The following PTPN13 variants were observed in gnomAD, a reference collection of about 807,000 sequenced individuals.
PTPN13 encodes the protein protein tyrosine phosphatase non-receptor type 13, also known as tyrosine-protein phosphatase non-receptor type 13.
In PTPN13, 191 loss-of-function variants were observed where a neutral mutation model predicts 284.0. The observed-to-expected ratio is 0.67, with a 90% CI of 0.60 to 0.76. The LOEUF is 0.76. PTPN13 is among the 30% of genes least tolerant of loss of function. The pLI is 0.00. For synonymous variants in PTPN13, 986 were observed against 1,022.3 expected, an observed-to-expected ratio of 0.96 and a Z score of 0.68; for missense variants, 2,797 against 2,939.9, an observed-to-expected ratio of 0.95 and a Z score of 1.12.
Position 86,807,915 on chromosome 4 carries a change from T to C in PTPN13, c.7083+18T>C, listed in dbSNP as rs1419781475. The C allele has an allele frequency of 1.3e-6, 2 of 1,587,370 alleles. No individual in the cohort carries two copies. Among genetic ancestry groups the C allele is most frequent in the Non-Finnish European group, 1.7e-6 (2 of 1,163,384 alleles). On this transcript the variant is annotated intron_variant, in intron 45 of 47. Coordinates refer to ENST00000411767, the MANE Select transcript of PTPN13 (RefSeq NM_080683.3). Reference sequence around the variant, plus strand: ...ATATTCAGGTAAGTGAATGAAATCTTTCCCTGTTGGAAGGTGTATCTCCTA... The same window carrying C: ...ATATTCAGGTAAGTGAATGAAATCTCTCCCTGTTGGAAGGTGTATCTCCTA...
intron 7 of PTPN13, among the ~76,000 whole-genome samples, chr4:86,705,334 A>AAAAAAAAAAAAAAAAAAAAAAAG (rs1731636137): frequency 1.2e-5 from 1 of 83,586 alleles, no homozygotes; most frequent in Non-Finnish European, 2.3e-5. Flanking sequence ...ACTCCGTCTC[A>AAAAAAAAAAAAAAAAAAAAAAAG]AAAAAAAAAA....
chr4:86,635,176 C>A, intron 1 of PTPN13, 76 bp from the exon 2 acceptor site: 1 of 1,471,132 alleles, frequency 6.8e-7, no homozygotes, highest in Non-Finnish European at 9.2e-7. Context: ...TCTGTCATCA[C>A]TGATGTAGAG....
At chr4:86,788,913 G>T (rs917160716) in intron 40 of PTPN13, among the ~76,000 whole-genome samples, 3 of 152,188 alleles carry the variant, frequency 2.0e-5, no homozygotes, top group Non-Finnish European at 2.9e-5. Flanking sequence ...TACAAAGAAG[G>T]GGGGAAATGG....
chr4:86,809,894 A>G lies in PTPN13; in HGVS notation c.7209A>G (p.Pro2403=), dbSNP rs781222157. The change falls in exon 46 of 48, where the codon CCA becomes CCG. Residue 2403 remains proline, a synonymous_variant. Coordinates refer to ENST00000411767, the MANE Select transcript of PTPN13 (RefSeq NM_080683.3). ...TGAGACACATCCACAGATCAGGCCC[A>G]ATCATTACGCACTGCAGTGCTGGCA... is the stretch of plus-strand genomic sequence containing the variant. ...SYMRHIHRSG[P]IITHCSAGIG... 8.7e-6 allele frequency: 14 copies of G among 1,613,890 alleles called. No homozygotes were observed. Among genetic ancestry groups the G allele is most frequent in the Non-Finnish European group, 1.2e-5 (14 of 1,179,890 alleles).
Position 86,780,583 on chromosome 4 carries a change from A to G in PTPN13, c.5962+111A>G, listed in dbSNP as rs574691082. 192 of 743,076 alleles carry G rather than the reference A, an allele frequency of 2.6e-4. No homozygotes were observed. In the East Asian group the frequency reaches 5.1e-3, roughly 20 times the overall value. The allele number at this position is 743,076 out of a possible 1,614,324, so 46.0% of individuals were successfully genotyped here. On this transcript the variant is annotated intron_variant, in intron 36 of 47. Coordinates refer to ENST00000411767, the MANE Select transcript of PTPN13 (RefSeq NM_080683.3). ...TTCTTAAAAATTATAACTTACACCT[A>G]AAATATAATCCAGCTTTTTCACTGC...
intron 17 of PTPN13, among the ~76,000 whole-genome samples, chr4:86,749,934 T>G (rs530462399): frequency 9.2e-5 from 14 of 152,346 alleles, no homozygotes; most frequent in Non-Finnish European, 1.6e-4. Context: ...ATACCATACA[T>G]TCATCCATTT....
chr4:86,667,051 TA>T (rs1264339530), intron 2 of PTPN13, among the ~76,000 whole-genome samples: 1 of 152,224 alleles, frequency 6.6e-6, no homozygotes, highest in Non-Finnish European at 1.5e-5. Context: ...TGCTTTTCAT[TA>T]AAGGAATACC....
chr4:86,742,659 C>T (rs1019032936), intron 16 of PTPN13, among the ~76,000 whole-genome samples: 5 of 152,138 alleles, frequency 3.3e-5, no homozygotes, highest in African/African-American at 1.2e-4. Context: ...CAAGAGATAT[C>T]ACTAAGATTT....
intron 3 of PTPN13, among the ~76,000 whole-genome samples, chr4:86,674,882 C>T (rs552963640): frequency 1.3e-5 from 2 of 152,212 alleles, no homozygotes; most frequent in South Asian, 4.1e-4. Context: ...TCATTCTGTA[C>T]ATTGTACGAT....
At chr4:86,787,278 T>G (rs1742042363) in intron 40 of PTPN13, among the ~76,000 whole-genome samples, 1 of 152,056 alleles carries the variant, frequency 6.6e-6, no homozygotes, top group African/African-American at 2.4e-5. Context: ...TGTAAAAAAG[T>G]TTCCAACAGA....
intron 2 of PTPN13, among the ~76,000 whole-genome samples, chr4:86,671,621 C>T (rs189091051): frequency 6.6e-6 from 1 of 152,104 alleles, no homozygotes; most frequent in African/African-American, 2.4e-5. Flanking sequence ...GGCATCTATA[C>T]AGCCAAGCAT....
chr4:86,783,308 C>T (rs1194234417), intron 37 of PTPN13, among the ~76,000 whole-genome samples: 1 of 152,172 alleles, frequency 6.6e-6, no homozygotes, highest in Non-Finnish European at 1.5e-5. Context: ...CAGCAACACT[C>T]ACTATTCTCT....
intron 2 of PTPN13, among the ~76,000 whole-genome samples, 182 bp from the exon 3 acceptor site, chr4:86,672,183 T>C (rs1407990660): frequency 6.6e-6 from 1 of 152,254 alleles, no homozygotes; most frequent in East Asian, 1.9e-4. Flanking sequence ...ATGCTACCTG[T>C]TGTATTTGTA....
intron 3 of PTPN13, among the ~76,000 whole-genome samples, chr4:86,681,636 A>G (rs756084478): frequency 3.9e-4 from 59 of 152,300 alleles, no homozygotes; most frequent in Non-Finnish European, 7.8e-4. Context: ...GAGCTAATGT[A>G]TATAATGTAG....
intron 6 of PTPN13, among the ~76,000 whole-genome samples, chr4:86,697,673 T>C (rs1305545733): frequency 1.3e-5 from 2 of 152,182 alleles, no homozygotes; most frequent in African/African-American, 2.4e-5. Flanking sequence ...ATTAGTAATA[T>C]CATGTTTCTT....
At position 86,796,879 on chromosome 4, in the gene PTPN13, C is replaced by G. The variant is rs763833336; in HGVS notation, c.6351C>G (p.Thr2117=). 6.8e-7 allele frequency: 1 copy of G among 1,479,060 alleles called. No homozygotes were observed. Among genetic ancestry groups the G allele is most frequent in the South Asian group, 1.2e-5 (1 of 80,918 alleles). 91.6% of individuals were successfully genotyped at this position (1,479,060 alleles called of 1,614,324 possible). ...SPLPEYFTEA[T]KMNGCEEYCE... The stretch of plus-strand genomic sequence containing the variant: ...CTTATATATTTTTATTGTAGGCCAC[C>G]AAAATGAATGGCTGTGAAGAATATT... Residue 2117 remains threonine (T), a synonymous_variant, in exon 41 of 48, where the codon ACC becomes ACG. Coordinates refer to ENST00000411767, the MANE Select transcript of PTPN13 (RefSeq NM_080683.3).
At chr4:86,699,529 GA>G (rs1450983192) in intron 6 of PTPN13, among the ~76,000 whole-genome samples, 7 of 152,160 alleles carry the variant, frequency 4.6e-5, no homozygotes, top group African/African-American at 1.7e-4. Context: ...AGAAAATGTG[GA>G]GAATGAGGAA....
intron 3 of PTPN13, among the ~76,000 whole-genome samples, chr4:86,673,225 C>T (rs1727906886): frequency 6.6e-6 from 1 of 151,942 alleles, no homozygotes; most frequent in African/African-American, 2.4e-5. Flanking sequence ...TAATATATGG[C>T]AGGATGAAAT....
intron 6 of PTPN13, among the ~76,000 whole-genome samples, chr4:86,695,153 A>C (rs1730466867): frequency 6.6e-6 from 1 of 152,108 alleles, no homozygotes; most frequent in Non-Finnish European, 1.5e-5. Context: ...AATTATTGTG[A>C]ATAAAGACTA....
Sources: allele counts gnomAD v4.1 joint callset (sites outside exome capture counted in the v4.1 genomes callset), GRCh38; gene constraint gnomAD v4.1.1; transcripts MANE v1.5; gene names NCBI Gene and HGNC (gene_info 2026-07-23, HGNC 2026-07-21).